The following SLC4A10 variants were observed in gnomAD, a reference collection of about 807,000 sequenced individuals.
The protein encoded by SLC4A10 is solute carrier family 4 member 10, also known as sodium-driven chloride bicarbonate exchanger.
A neutral mutation model predicts 137.7 loss-of-function variants in SLC4A10; 42 were observed. That is an observed-to-expected ratio of 0.30 (90% confidence interval 0.24 to 0.39). The LOEUF is 0.39. Among genes scored for constraint, SLC4A10 ranks in the 10% least tolerant of loss-of-function variants. SLC4A10 has a pLI of 1.00. For synonymous variants in SLC4A10, 474 were observed against 464.1 expected (o/e 1.02, Z -0.27); for missense variants, 925 against 1,355.0 (o/e 0.68, Z 4.98).
At chr2:161,907,055 CAAAAAAAAA>C (rs556899761) in intron 15 of SLC4A10, among the ~76,000 whole-genome samples, 5 of 90,946 alleles carry the variant, frequency 5.5e-5, no homozygotes, top group Admixed American at 1.9e-4. Flanking sequence ...GACTCCGTCT[CAAAAAAAAA>C]AAAAAAAAAA....
At chr2:161,928,091 T>C (rs1049460244) in intron 15 of SLC4A10, among the ~76,000 whole-genome samples, 1 of 151,072 alleles carries the variant, frequency 6.6e-6, no homozygotes, top group Admixed American at 6.6e-5. Flanking sequence ...ATTGTGGCAT[T>C]ATTCACAATA....
chr2:161,775,854 A>C (rs1277081516), intron 2 of SLC4A10, among the ~76,000 whole-genome samples: 2 of 151,854 alleles, frequency 1.3e-5, no homozygotes, highest in Non-Finnish European at 2.9e-5. Flanking sequence ...TAATGAAGCA[A>C]GTTACTTAAA....
intron 15 of SLC4A10, among the ~76,000 whole-genome samples, chr2:161,921,776 A>C (rs890783963): frequency 2.0e-5 from 3 of 152,220 alleles, no homozygotes; most frequent in Non-Finnish European, 4.4e-5. Context: ...GGGTAAACCC[A>C]GGACCATTTT....
At chr2:161,894,929 A>G (rs929229369) in intron 11 of SLC4A10, 104 bp downstream of exon 11, 2 of 680,600 alleles carry the variant, frequency 2.9e-6, no homozygotes, top group African/African-American at 3.9e-5. Context: ...TATTATTATT[A>G]TACTTTAAGT....
At chr2:161,908,683 T>C (rs181949406) in intron 15 of SLC4A10, among the ~76,000 whole-genome samples, 52 of 148,770 alleles carry the variant, frequency 3.5e-4, no homozygotes, top group African/African-American at 1.2e-3. Context: ...AAGTGGGTGG[T>C]AAAGAAATGG....
intron 1 of SLC4A10, among the ~76,000 whole-genome samples, chr2:161,635,460 C>T (rs893400298): frequency 2.0e-5 from 3 of 152,066 alleles, no homozygotes; most frequent in Non-Finnish European, 4.4e-5. Flanking sequence ...CTCAAAAAAC[C>T]GATGCTATGA....
intron 15 of SLC4A10, among the ~76,000 whole-genome samples, chr2:161,926,269 G>T (rs1689060520): frequency 6.7e-6 from 1 of 148,760 alleles, no homozygotes; most frequent in Non-Finnish European, 1.5e-5. Flanking sequence ...AGGATAGTTA[G>T]CTCTTCTTGT....
At chr2:161,669,043 G>T (rs1416843482) in intron 1 of SLC4A10, among the ~76,000 whole-genome samples, 1 of 151,834 alleles carries the variant, frequency 6.6e-6, no homozygotes, top group Non-Finnish European at 1.5e-5. Context: ...TCTGCCTCAT[G>T]TTGAAGCTTG....
intron 1 of SLC4A10, among the ~76,000 whole-genome samples, chr2:161,703,501 A>G (rs55841284): frequency 0.081 from 12,284 of 151,692 alleles, 552 homozygotes; most frequent in East Asian, 0.14. Flanking sequence ...AATTTTATGG[A>G]TGATTCTCCC....
intron 1 of SLC4A10, chr2:161,708,912 A>G: frequency 7.2e-7 from 1 of 1,389,384 alleles, no homozygotes; most frequent in South Asian, 1.4e-5. Flanking sequence ...AAATATATTC[A>G]TTAATGTAAT....
At chr2:161,645,118 A>G (rs1009619209) in intron 1 of SLC4A10, among the ~76,000 whole-genome samples, 1 of 152,154 alleles carries the variant, frequency 6.6e-6, no homozygotes, top group Non-Finnish European at 1.5e-5. Context: ...ATATTAACCC[A>G]TAAGTTGTCC....
At chr2:161,691,820 A>T (rs1278366710) in intron 1 of SLC4A10, among the ~76,000 whole-genome samples, 1 of 152,148 alleles carries the variant, frequency 6.6e-6, no homozygotes, top group Non-Finnish European at 1.5e-5. Context: ...TCAAATTAGA[A>T]ATCCATTCTC....
chr2:161,972,017 G>A (rs1313460578), intron 23 of SLC4A10, among the ~76,000 whole-genome samples: 4 of 152,124 alleles, frequency 2.6e-5, no homozygotes, highest in South Asian at 2.1e-4. Context: ...TTGAACATTC[G>A]TTTTCTGCTG....
At chr2:161,675,820 A>C (rs1330160057) in intron 1 of SLC4A10, among the ~76,000 whole-genome samples, 1 of 152,228 alleles carries the variant, frequency 6.6e-6, no homozygotes, top group Non-Finnish European at 1.5e-5. Context: ...CATGCACAGC[A>C]TATGCTGTTT....
At chr2:161,654,496 T>C (rs2037240844) in intron 1 of SLC4A10, among the ~76,000 whole-genome samples, 1 of 152,172 alleles carries the variant, frequency 6.6e-6, no homozygotes, top group South Asian at 2.1e-4. Flanking sequence ...ATGTTGTTTT[T>C]CTAGGAGTTT....
At chr2:161,667,174 G>A (rs1002706508) in intron 1 of SLC4A10, among the ~76,000 whole-genome samples, 2 of 151,534 alleles carry the variant, frequency 1.3e-5, no homozygotes, top group Admixed American at 6.6e-5. Flanking sequence ...CCACATCTGG[G>A]TTTGGGTTCT....
intron 15 of SLC4A10, among the ~76,000 whole-genome samples, chr2:161,916,765 T>A (rs1687193665): frequency 6.6e-6 from 1 of 152,224 alleles, no homozygotes; most frequent in African/African-American, 2.4e-5. Flanking sequence ...TGGCTTGGAA[T>A]GTTTCTGCCA....
At chr2:161,723,411 T>C (rs940820121) in intron 1 of SLC4A10, among the ~76,000 whole-genome samples, 2 of 152,194 alleles carry the variant, frequency 1.3e-5, no homozygotes, top group Non-Finnish European at 2.9e-5. Flanking sequence ...GATACTTCAG[T>C]TGAAGGTGCA....
chr2:161,646,659 A>G (rs2036073425), intron 1 of SLC4A10, among the ~76,000 whole-genome samples: 1 of 152,046 alleles, frequency 6.6e-6, no homozygotes, highest in Non-Finnish European at 1.5e-5. Flanking sequence ...ATATTTTCAA[A>G]TGTCTAAATA....
Sources: allele counts gnomAD v4.1 joint callset (sites outside exome capture counted in the v4.1 genomes callset), GRCh38; gene constraint gnomAD v4.1.1; transcripts MANE v1.5; gene names NCBI Gene and HGNC (gene_info 2026-07-23, HGNC 2026-07-21).